The following LYSMD3 variants were observed in gnomAD, a reference collection of about 807,000 sequenced individuals.
LYSMD3 encodes lysM and putative peptidoglycan-binding domain-containing protein 3.
Under a neutral mutation model 26.1 loss-of-function variants are expected in LYSMD3, and 13 were observed. The ratio of observed to expected loss-of-function variants is 0.50; its 90% CI spans 0.32 to 0.79. The LOEUF (loss-of-function observed/expected upper bound fraction) is 0.79, where lower values mean the gene tolerates loss of function less well. LYSMD3 is among the 30% of genes least tolerant of loss of function. The pLI, the probability that LYSMD3 is intolerant of heterozygous loss-of-function variation, is 0.03. For synonymous variants in LYSMD3, 109 were observed against 119.4 expected (o/e 0.91, Z 0.57); for missense variants, 331 against 362.5 (o/e 0.91, Z 0.71).
At chr5:90,519,524 A>C in intron 2 of LYSMD3, 40 bp from the exon 3 acceptor site, 1 of 1,536,826 alleles carries the variant, frequency 6.5e-7, no homozygotes. Context: ...ACTGAATTCC[A>C]ATCAAAATAA....
At chr5:90,528,664 C>T (rs1753282774) in intron 1 of LYSMD3, among the ~76,000 whole-genome samples, 1 of 152,140 alleles carries the variant, frequency 6.6e-6, no homozygotes, top group African/African-American at 2.4e-5. Flanking sequence ...TTAGAAAATA[C>T]ATAATATTTA....
intron 2 of LYSMD3, among the ~76,000 whole-genome samples, chr5:90,521,644 CT>C (rs1561266788): frequency 6.6e-6 from 1 of 151,906 alleles, no homozygotes; most frequent in Non-Finnish European, 1.5e-5. Flanking sequence ...TTTAAATGCT[CT>C]TTTGCTTGGT....
chr5:90,529,582 T>A lies in LYSMD3; in HGVS notation c.-146A>T. 1 of 455,520 alleles carries A rather than the reference T, an allele frequency of 2.2e-6. No homozygotes were observed. The highest frequency in any genetic ancestry group is 4.4e-6 in the Non-Finnish European group (1 of 226,416). 28.2% of individuals were successfully genotyped at this position (455,520 alleles called of 1,614,324 possible). A position where few individuals can be genotyped will look rare whatever the true frequency, so the allele number is the denominator to read the frequency against. ...CGCCTCCGCCTCTGCCGCCAACGTC[T>A]CCGCCTTCCGGGCCGTACGCCGCCG... On this transcript the variant is annotated 5_prime_UTR_variant, in exon 1 of 3. Coordinates refer to ENST00000315948, the MANE Select transcript of LYSMD3 (RefSeq NM_198273.2).
intron 2 of LYSMD3, among the ~76,000 whole-genome samples, chr5:90,523,596 C>G (rs1338904869): frequency 6.6e-6 from 1 of 151,922 alleles, no homozygotes; most frequent in Non-Finnish European, 1.5e-5. Context: ...GAAAAAAGAG[C>G]TCTCATACAC....
intron 2 of LYSMD3, chr5:90,520,454 A>G: frequency 2.2e-6 from 1 of 455,960 alleles, no homozygotes; most frequent in Non-Finnish European, 4.4e-6. Context: ...TCATTGAGAA[A>G]TGGAACACTG....
chr5:90,523,253 A>G (rs1241117096), intron 2 of LYSMD3, among the ~76,000 whole-genome samples: 1 of 152,044 alleles, frequency 6.6e-6, no homozygotes, highest in South Asian at 2.1e-4. Context: ...CAGCTCTTAC[A>G]CCACATCAAA....
At chr5:90,527,267 C>G (rs1288667288) in intron 1 of LYSMD3, among the ~76,000 whole-genome samples, 1 of 152,156 alleles carries the variant, frequency 6.6e-6, no homozygotes, top group Non-Finnish European at 1.5e-5. Flanking sequence ...ATTTGAAATA[C>G]TTTGAGTGCT....
chr5:90,528,049 A>T (rs1753269224), intron 1 of LYSMD3, among the ~76,000 whole-genome samples: 1 of 152,222 alleles, frequency 6.6e-6, no homozygotes, highest in Non-Finnish European at 1.5e-5. Context: ...ATCACATTTT[A>T]TATCTCAAAA....
rs542115434 is a variant in LYSMD3, at chr5:90,517,860, A to G, written c.*959T>C. 5 of 152,612 alleles carry G rather than the reference A, an allele frequency of 3.3e-5. No individual in the cohort carries two copies. The East Asian group carries it at 9.7e-4, about 29-fold the overall frequency. 9.5% of individuals were successfully genotyped at this position (152,612 alleles called of 1,614,324 possible). A position where few individuals can be genotyped will look rare whatever the true frequency, so the allele number is the denominator to read the frequency against. Reference sequence around the variant, plus strand: ...CAAATTTATATAGCCTATGTAACGAATCTGATTGGACCATATGAAATAATG... The same window carrying G: ...CAAATTTATATAGCCTATGTAACGAGTCTGATTGGACCATATGAAATAATG... On this transcript the variant is annotated 3_prime_UTR_variant, in exon 3 of 3. Transcript: ENST00000315948.
chr5:90,518,975 G>C lies in LYSMD3; in HGVS notation c.765C>G (p.Asp255Glu), dbSNP rs776782662. 12 of 1,614,006 alleles carry C rather than the reference G, an allele frequency of 7.4e-6. No individual in the cohort carries two copies. The highest frequency in any genetic ancestry group is 1.0e-5 in the Non-Finnish European group (12 of 1,179,940). Residue 255 changes from aspartate to glutamate, a missense_variant, in exon 3 of 3, where the codon GAC becomes GAG. This residue lies in a region of LYSMD3 where 61 missense variants were observed against 66.8 expected (regional missense o/e 0.91). Coordinates refer to ENST00000315948, the MANE Select transcript of LYSMD3 (RefSeq NM_198273.2). ...TGATTTTTGAATGTAAATGTGAAGA[G>C]TCCACTGTTGAATGATGACTAACAT... ...KVDVSHHSTV[D>E]SSHLHSKITP...
In LYSMD3 at chr5:90,518,588, A is replaced by G. The variant is rs1271766483; in HGVS notation, c.*231T>C. ...CAAGTTAAGTACTTCCTAAACACAC[A>G]TTTAAATTAATTTCTGCTTGAAACA... On this transcript the variant is annotated 3_prime_UTR_variant, in exon 3 of 3. Transcript: ENST00000315948. The G allele has an allele frequency of 2.4e-6, 1 of 423,104 alleles. No individual in the cohort carries two copies. Among genetic ancestry groups the G allele is most frequent in the Non-Finnish European group, 4.2e-6 (1 of 239,580 alleles). The allele number at this position is 423,104 out of a possible 1,614,324, so 26.2% of individuals were successfully genotyped here.
intron 2 of LYSMD3, among the ~76,000 whole-genome samples, chr5:90,523,585 T>C (rs987474701): frequency 7.2e-5 from 11 of 152,022 alleles, no homozygotes; most frequent in Non-Finnish European, 1.6e-4. Context: ...CTCATGCTAT[T>C]GAAAAAAGAG....
chr5:90,518,854 C>G lies in LYSMD3; in HGVS notation c.886G>C (p.Asp296His). ...QQDDHKLYSQ[D>H]SQSPAAQQET ...TGTTGAGCAGCAGGTGACTGAGAATCTTGACTATACAGTTTATGATCATCT... is the reference window on the plus strand; with the variant it reads ...TGTTGAGCAGCAGGTGACTGAGAATGTTGACTATACAGTTTATGATCATCT... Residue 296 changes from aspartate to histidine, a missense_variant, in exon 3 of 3, where the codon GAT (aspartate) becomes CAT (histidine). Coordinates refer to ENST00000315948, the MANE Select transcript of LYSMD3 (RefSeq NM_198273.2). 1.2e-6 allele frequency: 2 copies of G among 1,613,572 alleles called. No individual in the cohort carries two copies. The highest frequency in any genetic ancestry group is 2.2e-5 in the South Asian group (2 of 90,982).
chr5:90,519,541 C>A (rs1225943846), intron 2 of LYSMD3, 57 bp from the exon 3 acceptor site: 15 of 1,474,360 alleles, frequency 1.0e-5, no homozygotes, highest in Non-Finnish European at 1.2e-5. Context: ...ATAAAGGCAG[C>A]AATAGTCATT....
intron 1 of LYSMD3, among the ~76,000 whole-genome samples, chr5:90,527,508 C>T (rs766741008): frequency 4.7e-5 from 7 of 149,988 alleles, no homozygotes; most frequent in Non-Finnish European, 1.0e-4. Flanking sequence ...TTAGGAATGA[C>T]GGTGATGCCA....
At chr5:90,528,550 T>A (rs1753280402) in intron 1 of LYSMD3, among the ~76,000 whole-genome samples, 1 of 152,248 alleles carries the variant, frequency 6.6e-6, no homozygotes, top group South Asian at 2.1e-4. Flanking sequence ...CAGCTGACTA[T>A]CGTGTTACAA....
At position 90,518,456 on chromosome 5, in the gene LYSMD3, T is replaced by C; in HGVS notation, c.*363A>G. Reference sequence around the variant, plus strand: ...AGTAAATTTTTTTCAGCTGCAGACATCTGATGCTATCATTCTGCATCATAA... The same window carrying C: ...AGTAAATTTTTTTCAGCTGCAGACACCTGATGCTATCATTCTGCATCATAA... On this transcript the variant is annotated 3_prime_UTR_variant, in exon 3 of 3. Coordinates refer to ENST00000315948, the MANE Select transcript of LYSMD3 (RefSeq NM_198273.2). The C allele has an allele frequency of 5.9e-6, 1 of 170,494 alleles. No homozygotes were observed. 10.6% of individuals were successfully genotyped at this position (170,494 alleles called of 1,614,324 possible).
intron 2 of LYSMD3, among the ~76,000 whole-genome samples, chr5:90,520,134 T>C (rs112965831): frequency 0.017 from 2,585 of 152,290 alleles, 32 homozygotes; most frequent in Non-Finnish European, 0.026. Context: ...ATTATTCAAC[T>C]ACTTTCAAGA....
In LYSMD3 at chr5:90,516,987, C is replaced by G. The variant is rs932977474; in HGVS notation, c.*1832G>C. The G allele has an allele frequency of 2.6e-5, 4 of 152,396 alleles. No individual in the cohort carries two copies. The highest frequency in any genetic ancestry group is 6.6e-5 in the Admixed American group (1 of 15,246). 9.4% of individuals were successfully genotyped at this position (152,396 alleles called of 1,614,324 possible). ...GGCCTGTTTACCCTAAAATAATCTG[C>G]ATTTTCTTCCTTAAAACCTCATTTT... On this transcript the variant is annotated 3_prime_UTR_variant, in exon 3 of 3. Transcript: ENST00000315948.
Sources: allele counts gnomAD v4.1 joint callset (sites outside exome capture counted in the v4.1 genomes callset), GRCh38; gene constraint gnomAD v4.1.1; regional missense constraint gnomAD v4.1.1; transcripts MANE v1.5; gene names NCBI Gene and HGNC (gene_info 2026-07-23, HGNC 2026-07-21).